Variants in EHMT1 observed in about 807,000 individuals in gnomAD.
EHMT1 encodes the protein euchromatic histone lysine methyltransferase 1.
EHMT1 carries 15 observed loss-of-function variants against 147.2 expected under a neutral mutation model. The ratio of observed to expected loss-of-function variants is 0.10; its 90% CI spans 0.07 to 0.16. The LOEUF (loss-of-function observed/expected upper bound fraction) is 0.16, where lower values mean the gene tolerates loss of function less well. EHMT1 is among the 10% of genes least tolerant of loss of function. The pLI, the probability that EHMT1 is intolerant of heterozygous loss-of-function variation, is 1.00. For synonymous variants in EHMT1, 795 were observed against 709.6 expected, an observed-to-expected ratio of 1.12 and a Z score of -1.91; for missense variants, 1,587 against 1,772.4, an observed-to-expected ratio of 0.90 and a Z score of 1.88.
intron 1 of EHMT1, among the ~76,000 whole-genome samples, chr9:137,625,096 G>A (rs1843172471): frequency 6.6e-6 from 1 of 151,434 alleles, no homozygotes; most frequent in Non-Finnish European, 1.5e-5. Context: ...TGGCTGGGCT[G>A]GTCTAAAATT....
At chr9:137,622,930 G>A (rs898476010) in intron 1 of EHMT1, among the ~76,000 whole-genome samples, 1 of 149,130 alleles carries the variant, frequency 6.7e-6, no homozygotes, top group African/African-American at 2.5e-5. Context: ...AAAAAATACA[G>A]CCAGGCGCGG....
intron 25 of EHMT1, 145 bp downstream of exon 25, chr9:137,818,283 T>C (rs1306290036): frequency 2.2e-6 from 2 of 916,562 alleles, no homozygotes; most frequent in African/African-American, 3.3e-5. Flanking sequence ...AGTGCCGCAT[T>C]TGGAGCTGGC....
chr9:137,655,098 A>G (rs1938298358), intron 1 of EHMT1, among the ~76,000 whole-genome samples: 1 of 152,058 alleles, frequency 6.6e-6, no homozygotes, highest in Non-Finnish European at 1.5e-5. Flanking sequence ...TCTCAGGTTC[A>G]AAAGAGTCTC....
chr9:137,792,610 C>G (rs769788126), intron 16 of EHMT1, among the ~76,000 whole-genome samples: 8 of 152,290 alleles, frequency 5.3e-5, no homozygotes, highest in Non-Finnish European at 1.2e-4. Flanking sequence ...GAGGCTGAGG[C>G]AGGAGAATCG....
chr9:137,670,848 C>G (rs917954126), intron 1 of EHMT1, among the ~76,000 whole-genome samples: 13 of 152,138 alleles, frequency 8.5e-5, no homozygotes, highest in Admixed American at 2.6e-4. Context: ...TCTGTCCGCT[C>G]GCCTTTGCCG....
rs551195834 is a variant in EHMT1, at chr9:137,636,958, C to T, written c.21+17909C>T. 5.5e-4 allele frequency among the ~76,000 whole-genome samples: 75 copies of T among 136,318 alleles called. No homozygotes were observed. In the Middle Eastern group the frequency reaches 0.025, roughly 45 times the overall value. 89.4% of individuals were successfully genotyped at this position (136,318 alleles called of 152,430 possible). ...TGTCGCCCAGGCTGGAGTGCAGTGG[C>T]GCGATGTCAGCTCACTGCAAGCTCT... is the stretch of plus-strand genomic sequence containing the variant. On this transcript the variant is annotated intron_variant, in intron 1 of 26. Coordinates refer to ENST00000460843, the MANE Select transcript of EHMT1 (RefSeq NM_024757.5).
chr9:137,728,201 C>A, intron 3 of EHMT1, 148 bp from the exon 4 acceptor site: 1 of 1,159,956 alleles, frequency 8.6e-7, no homozygotes, highest in Non-Finnish European at 1.3e-6. Context: ...TGTGCTGTTT[C>A]CGCTTGCAGA....
At chr9:137,773,313 GGTGGTGGT>G (rs1434945808) in intron 10 of EHMT1, among the ~76,000 whole-genome samples, 1 of 151,050 alleles carries the variant, frequency 6.6e-6, no homozygotes, top group Non-Finnish European at 1.5e-5. Flanking sequence ...AGCATTTGGT[GGTGGTGGT>G]GTGGAGGGGG....
At chr9:137,738,001 C>T (rs1005093371) in intron 4 of EHMT1, among the ~76,000 whole-genome samples, 3 of 152,098 alleles carry the variant, frequency 2.0e-5, no homozygotes, top group Non-Finnish European at 4.4e-5. Flanking sequence ...CCAGACGAGC[C>T]GAGCCAACAT....
At chr9:137,686,255 T>C (rs1329795496) in intron 1 of EHMT1, among the ~76,000 whole-genome samples, 5 of 152,240 alleles carry the variant, frequency 3.3e-5, no homozygotes, top group African/African-American at 1.2e-4. Flanking sequence ...CTTGTGCTTT[T>C]GGTGTGATAA....
intron 25 of EHMT1, among the ~76,000 whole-genome samples, chr9:137,832,001 C>T (rs1196882776): frequency 2.0e-5 from 3 of 151,268 alleles, no homozygotes; most frequent in African/African-American, 4.9e-5. Flanking sequence ...TCCACAGGCT[C>T]CGCCTCCTAC....
intron 3 of EHMT1, among the ~76,000 whole-genome samples, chr9:137,727,155 T>A (rs1946711352): frequency 6.6e-6 from 1 of 152,170 alleles, no homozygotes; most frequent in South Asian, 2.1e-4. Context: ...TTTTGTAAAT[T>A]TTTCTTTGTA....
At chr9:137,815,437 G>A (rs566101683) in intron 22 of EHMT1, 4 of 218,416 alleles carry the variant, frequency 1.8e-5, no homozygotes, top group Middle Eastern at 1.9e-3. Context: ...CCTGGGCCCC[G>A]CGCCTCAGCT....
At chr9:137,639,308 T>C (rs1844312965) in intron 1 of EHMT1, among the ~76,000 whole-genome samples, 1 of 152,208 alleles carries the variant, frequency 6.6e-6, no homozygotes, top group African/African-American at 2.4e-5. Context: ...TATGAATTTA[T>C]TAGGTGGAAT....
At chr9:137,699,051 G>A (rs1286976181) in intron 1 of EHMT1, among the ~76,000 whole-genome samples, 5 of 152,200 alleles carry the variant, frequency 3.3e-5, no homozygotes, top group African/African-American at 1.2e-4. Context: ...GGGGGATGGT[G>A]CCTCATCTCT....
intron 3 of EHMT1, among the ~76,000 whole-genome samples, chr9:137,728,060 T>C (rs1399450491): frequency 6.6e-6 from 1 of 152,244 alleles, no homozygotes; most frequent in Non-Finnish European, 1.5e-5. Context: ...ATGTGGTCAC[T>C]GTTCCTCCTC....
rs1304618530 is a variant in EHMT1, at chr9:137,732,240, C to T, written c.823+3711C>T. On this transcript the variant is annotated intron_variant, in intron 4 of 26. Transcript: ENST00000460843. The surrounding 1 kb of genome is among the most constrained non-coding windows in gnomAD (Gnocchi z 4.6). ...TGAGGAATCCCAAGGTTTGGGTCCC[C>T]AGAAGGATCACCGCTCTTCACTCCC... Among the ~76,000 whole-genome samples the T allele has an allele frequency of 6.6e-6, 1 of 152,226 alleles. No homozygotes were observed. Among genetic ancestry groups the T allele is most frequent in the African/African-American group, 2.4e-5 (1 of 41,464 alleles).
intron 3 of EHMT1, among the ~76,000 whole-genome samples, chr9:137,725,891 C>G (rs1946575649): frequency 6.6e-6 from 1 of 152,136 alleles, no homozygotes; most frequent in Non-Finnish European, 1.5e-5. Flanking sequence ...CTGTTCTCCT[C>G]CGTGTGCTCT....
At chr9:137,781,164 C>T (rs1269979552) in intron 14 of EHMT1, among the ~76,000 whole-genome samples, 1 of 69,752 alleles carries the variant, frequency 1.4e-5, no homozygotes, top group African/African-American at 1.7e-4. Flanking sequence ...GACGCTGAGA[C>T]GTGTGGTGAT....
Sources: allele counts gnomAD v4.1 joint callset (sites outside exome capture counted in the v4.1 genomes callset), GRCh38; gene constraint gnomAD v4.1.1; non-coding constraint Gnocchi (gnomAD v3.1); transcripts MANE v1.5; gene names NCBI Gene and HGNC (gene_info 2026-07-23, HGNC 2026-07-21).